The following TRAF3 variants were observed in gnomAD, a reference collection of about 807,000 sequenced individuals.
TRAF3 encodes TNF receptor associated factor 3.
In TRAF3, 13 loss-of-function variants were observed where a neutral mutation model predicts 62.3. The observed-to-expected ratio is 0.21, with a 90% CI of 0.14 to 0.33. The LOEUF (loss-of-function observed/expected upper bound fraction) is 0.33. Among genes scored for constraint, TRAF3 ranks in the 10% least tolerant of loss-of-function variants. TRAF3 has a pLI of 1.00. For synonymous variants in TRAF3, 269 were observed against 283.4 expected (o/e 0.95, Z 0.51); for missense variants, 440 against 741.8 (o/e 0.59, Z 4.73).
At chr14:102,879,273 A>T (rs1294874966) in intron 6 of TRAF3, among the ~76,000 whole-genome samples, 2 of 151,946 alleles carry the variant, frequency 1.3e-5, no homozygotes, top group Non-Finnish European at 2.9e-5. Flanking sequence ...GATATTGTGG[A>T]ATGGTTTGTT....
chr14:102,821,202 TTTTAA>T (rs1181049694), intron 1 of TRAF3, among the ~76,000 whole-genome samples: 1 of 152,236 alleles, frequency 6.6e-6, no homozygotes, highest in Non-Finnish European at 1.5e-5. Flanking sequence ...AAGATTGTTC[TTTTAA>T]TTTAAAATGA....
At chr14:102,797,626 G>C (rs1167892111) in intron 1 of TRAF3, among the ~76,000 whole-genome samples, 2 of 152,092 alleles carry the variant, frequency 1.3e-5, no homozygotes, top group African/African-American at 4.8e-5. Flanking sequence ...TTGTCTCCTT[G>C]CATGGCATAT....
chr14:102,793,988 A>G (rs1897939137), intron 1 of TRAF3, among the ~76,000 whole-genome samples: 1 of 152,156 alleles, frequency 6.6e-6, no homozygotes, highest in South Asian at 2.1e-4. Flanking sequence ...AGGGTCCAAG[A>G]GGGCCGTACA....
intron 2 of TRAF3, among the ~76,000 whole-genome samples, chr14:102,846,056 ATTG>A (rs1225763305): frequency 6.6e-6 from 1 of 151,210 alleles, no homozygotes; most frequent in African/African-American, 2.4e-5. Context: ...AAGTTTGGCA[ATTG>A]TTGTTGAAAA....
At chr14:102,814,782 C>G (rs2139541793) in intron 1 of TRAF3, among the ~76,000 whole-genome samples, 1 of 152,224 alleles carries the variant, frequency 6.6e-6, no homozygotes, top group African/African-American at 2.4e-5. Context: ...CTCAGCCTCC[C>G]AAAGTGCTGG....
intron 2 of TRAF3, among the ~76,000 whole-genome samples, chr14:102,860,414 T>G (rs1292975235): frequency 1.3e-5 from 2 of 152,180 alleles, no homozygotes; most frequent in Non-Finnish European, 2.9e-5. Flanking sequence ...ATGTGGTGCC[T>G]CCTCTGTTTT....
chr14:102,894,824 A>G (rs927742523), intron 9 of TRAF3, among the ~76,000 whole-genome samples: 2 of 152,072 alleles, frequency 1.3e-5, no homozygotes, highest in South Asian at 2.1e-4. Context: ...CAGCCTCCCC[A>G]GTAGCTGGGA....
chr14:102,784,215 C>CTTTT (rs76663820), intron 1 of TRAF3, among the ~76,000 whole-genome samples: 3 of 117,646 alleles, frequency 2.6e-5, no homozygotes, highest in Non-Finnish European at 4.8e-5. Flanking sequence ...GATGCTTGGC[C>CTTTT]TTTTTTTTTT....
intron 1 of TRAF3, among the ~76,000 whole-genome samples, chr14:102,800,605 G>A (rs1306258194): frequency 2.0e-5 from 3 of 151,676 alleles, no homozygotes; most frequent in Non-Finnish European, 4.4e-5. Flanking sequence ...CTGAACTTAT[G>A]TGAGGCTATT....
At chr14:102,849,824 A>G (rs569673684) in intron 2 of TRAF3, among the ~76,000 whole-genome samples, 2 of 152,372 alleles carry the variant, frequency 1.3e-5, no homozygotes, top group Non-Finnish European at 2.9e-5. Flanking sequence ...TCTTATCAGC[A>G]GGGCACACCT....
chr14:102,819,950 G>C (rs1485452396), intron 1 of TRAF3, among the ~76,000 whole-genome samples: 1 of 152,222 alleles, frequency 6.6e-6, no homozygotes, highest in Non-Finnish European at 1.5e-5. Flanking sequence ...TTATGGACCT[G>C]TCTTAGTGAG....
In TRAF3 at chr14:102,788,796, T is replaced by TCAAAA. The variant is rs149315871; in HGVS notation, c.-157+11143_-157+11147dup. ...CTGGGAGACAGAGCAAGACTCCATC[T>TCAAAA]CAAAACAAAACAAAACAAAACAAAA... On this transcript the variant is annotated intron_variant, in intron 1 of 11. Transcript: ENST00000392745. 1.4e-3 allele frequency among the ~76,000 whole-genome samples: 209 copies of TCAAAA among 150,996 alleles called. 1 individual carries two copies. The highest frequency in any genetic ancestry group is 4.7e-3 in the African/African-American group (192 of 41,212).
At chr14:102,883,689 A>T (rs1482272219) in intron 6 of TRAF3, among the ~76,000 whole-genome samples, 1 of 152,012 alleles carries the variant, frequency 6.6e-6, no homozygotes, top group Non-Finnish European at 1.5e-5. Flanking sequence ...AGGTTCAAGC[A>T]ATTTTCCTGC....
intron 2 of TRAF3, among the ~76,000 whole-genome samples, chr14:102,834,908 T>C (rs1045795322): frequency 9.9e-5 from 15 of 152,110 alleles, no homozygotes; most frequent in Admixed American, 6.5e-4. Context: ...TGGGATCTAA[T>C]TAAACTTAAG....
chr14:102,777,705 C>T (rs1321788620), intron 1 of TRAF3, 30 bp downstream of exon 1: 2 of 144,472 alleles, frequency 1.4e-5, no homozygotes, highest in African/African-American at 2.5e-5. Flanking sequence ...GGGCGGGCCT[C>T]CGGCGCGCGG....
intron 9 of TRAF3, among the ~76,000 whole-genome samples, chr14:102,895,642 C>T (rs139291245): frequency 7.7e-4 from 117 of 152,308 alleles, no homozygotes; most frequent in African/African-American, 2.6e-3. Flanking sequence ...GACAGAGACA[C>T]TCGTTAATAG....
intron 2 of TRAF3, among the ~76,000 whole-genome samples, chr14:102,841,907 A>G (rs568537556): frequency 6.6e-6 from 1 of 152,272 alleles, no homozygotes; most frequent in East Asian, 1.9e-4. Context: ...AAAGACTCAA[A>G]AAAGATTGAA....
rs2139606013 is a variant in TRAF3, at chr14:102,826,454, G to C, written c.-156-3880G>C. Among the ~76,000 whole-genome samples the C allele has an allele frequency of 6.6e-6, 1 of 152,328 alleles. No homozygotes were observed. Among genetic ancestry groups the C allele is most frequent in the South Asian group, 2.1e-4 (1 of 4,828 alleles). On this transcript the variant is annotated intron_variant, in intron 1 of 11. Transcript: ENST00000392745. This position sits in a 1 kb window ranked among gnomAD's most constrained non-coding sequence, Gnocchi z 4.6. ...GCTTCAGGACAGCATGGGAGCTGCTGGAGGTCGGGGGAGCTCAGGGAAAGG... is the reference window on the plus strand; with the variant it reads ...GCTTCAGGACAGCATGGGAGCTGCTCGAGGTCGGGGGAGCTCAGGGAAAGG...
intron 1 of TRAF3, among the ~76,000 whole-genome samples, chr14:102,803,930 G>T (rs1898605403): frequency 2.0e-5 from 3 of 152,190 alleles, no homozygotes; most frequent in African/African-American, 4.8e-5. Flanking sequence ...GGATATAGTG[G>T]CTGGCGCCTG....
Sources: allele counts gnomAD v4.1 joint callset (sites outside exome capture counted in the v4.1 genomes callset), GRCh38; gene constraint gnomAD v4.1.1; non-coding constraint Gnocchi (gnomAD v3.1); transcripts MANE v1.5; gene names NCBI Gene and HGNC (gene_info 2026-07-23, HGNC 2026-07-21).